Variants in TMEM50B observed in about 807,000 individuals in gnomAD.
The protein encoded by TMEM50B is HCV p7-trans-regulated protein 3.
In TMEM50B, 14 loss-of-function variants were observed where a neutral mutation model predicts 23.4. The ratio of observed to expected loss-of-function variants is 0.60; its 90% CI spans 0.39 to 0.93. The LOEUF (loss-of-function observed/expected upper bound fraction) is 0.93. Ranked by LOEUF, TMEM50B falls within the 40% of genes least tolerant of loss-of-function variation. The probability of loss-of-function intolerance (pLI) is 0.00; values close to 1 mark genes in which losing one functional copy is unlikely to be tolerated. For synonymous variants in TMEM50B, 64 were observed against 62.3 expected (o/e 1.03, Z -0.13); for missense variants, 159 against 193.0 (o/e 0.82, Z 1.04).
At chr21:33,475,625 C>A (rs1200434457) in intron 1 of TMEM50B, among the ~76,000 whole-genome samples, 2 of 151,442 alleles carry the variant, frequency 1.3e-5, no homozygotes, top group Non-Finnish European at 2.9e-5. Flanking sequence ...GGAATACAGG[C>A]GTGAGCCACC....
downstream of TMEM50B, among the ~76,000 whole-genome samples, chr21:33,448,616 G>A (rs927210852): frequency 1.3e-5 from 2 of 152,084 alleles, no homozygotes; most frequent in Non-Finnish European, 2.9e-5. Context: ...AAGTAGCTGG[G>A]ACTACAGGTG....
intron 1 of TMEM50B, among the ~76,000 whole-genome samples, chr21:33,475,771 G>A (rs1487128807): frequency 1.3e-5 from 2 of 152,022 alleles, no homozygotes; most frequent in African/African-American, 4.8e-5. Flanking sequence ...TGGCTAACAC[G>A]TTGAAACCCC....
chr21:33,432,699 G>A (rs765881972), exon 9 of TMEM50B: 21 of 1,613,574 alleles, frequency 1.3e-5, no homozygotes, highest in Non-Finnish European at 1.7e-5. Context: ...GTTCACTTTC[G>A]TGTCCTCTTT....
At chr21:33,468,136 G>A (rs2084281498) in intron 2 of TMEM50B, among the ~76,000 whole-genome samples, 1 of 140,976 alleles carries the variant, frequency 7.1e-6, no homozygotes, top group South Asian at 2.2e-4. Flanking sequence ...TCCTGATTTT[G>A]GGGTGTTTTT....
intron 1 of TMEM50B, among the ~76,000 whole-genome samples, chr21:33,478,112 GAGAC>G (rs1445326250): frequency 6.6e-6 from 1 of 151,608 alleles, no homozygotes; most frequent in African/African-American, 2.4e-5. Context: ...TCCAGCCTGG[GAGAC>G]AGAGCAAGAC....
At position 33,450,526 on chromosome 21, in the gene TMEM50B, A is replaced by G. The variant is rs2084109488; in HGVS notation, c.*292T>C. ...GACAAGAGTGGTTACTTCTAAAATG[A>G]CAAGATGATGTAACCCTGGCTCAGG... On this transcript the variant is annotated 3_prime_UTR_variant, in exon 7 of 7. Transcript: ENST00000542230. 7.5e-6 allele frequency: 2 copies of G among 267,854 alleles called. No homozygotes were observed. Among genetic ancestry groups the G allele is most frequent in the Non-Finnish European group, 1.4e-5 (2 of 142,580 alleles). The allele number at this position is 267,854 out of a possible 1,614,324, so 16.6% of individuals were successfully genotyped here.
intron 4 of TMEM50B, 32 bp downstream of exon 4, chr21:33,465,310 C>T (rs768139067): frequency 4.4e-6 from 7 of 1,575,030 alleles, no homozygotes; most frequent in Non-Finnish European, 5.2e-6. Context: ...TCTGTTTTGT[C>T]AACACCCATT....
intron 6 of TMEM50B, among the ~76,000 whole-genome samples, chr21:33,453,381 T>C (rs1233339632): frequency 1.3e-5 from 2 of 152,018 alleles, no homozygotes; most frequent in Non-Finnish European, 2.9e-5. Context: ...TGAGCCACCA[T>C]GCCCAGCCGA....
chr21:33,478,860 G>T, intron 1 of TMEM50B: 2 of 470,924 alleles, frequency 4.2e-6, no homozygotes, highest in South Asian at 1.5e-5. Context: ...CAGAGCCTCT[G>T]AAGTGTCAAG....
chr21:33,438,731 C>CTTT (rs200509447), intron 8 of TMEM50B, among the ~76,000 whole-genome samples: 2 of 147,794 alleles, frequency 1.4e-5, no homozygotes, highest in African/African-American at 2.5e-5. Flanking sequence ...AAGAAAGTGG[C>CTTT]TTTTTTTTTT....
chr21:33,463,512 A>C (rs1469515237), intron 4 of TMEM50B, among the ~76,000 whole-genome samples: 1 of 152,040 alleles, frequency 6.6e-6, no homozygotes, highest in Non-Finnish European at 1.5e-5. Flanking sequence ...GTATGAGGGA[A>C]CTTTTTGGGG....
In TMEM50B at chr21:33,466,780, GAA is replaced by G. The variant is rs34046682; in HGVS notation, c.212+228_212+229del. Reference sequence around the variant, plus strand: ...AACTGACCAGATTTAAAAATATGAGGAAAAAAAAAAATCACAAGATAATTGTT... The same window carrying G: ...AACTGACCAGATTTAAAAATATGAGGAAAAAAAAATCACAAGATAATTGTT... On this transcript the variant is annotated intron_variant, in intron 3 of 6. Coordinates refer to ENST00000542230, the MANE Select transcript of TMEM50B (RefSeq NM_006134.7). Among the ~76,000 whole-genome samples the G allele has an allele frequency of 5.4e-3, 804 of 149,534 alleles. 12 individuals are homozygous for G. The highest frequency in any genetic ancestry group is 0.018 in the African/African-American group (752 of 41,052).
chr21:33,452,630 G>A (rs762665994), intron 6 of TMEM50B, among the ~76,000 whole-genome samples: 58 of 152,134 alleles, frequency 3.8e-4, no homozygotes, highest in Middle Eastern at 3.2e-3. Context: ...CTCTGGTCCT[G>A]CCTATAACAA....
intron 1 of TMEM50B, among the ~76,000 whole-genome samples, chr21:33,475,173 G>A (rs1304061778): frequency 6.6e-6 from 1 of 151,982 alleles, no homozygotes; most frequent in Non-Finnish European, 1.5e-5. Flanking sequence ...TGATCTGCCT[G>A]TCTCAGCCTC....
chr21:33,475,223 G>C (rs1039184641), intron 1 of TMEM50B, among the ~76,000 whole-genome samples: 1 of 152,030 alleles, frequency 6.6e-6, no homozygotes. Context: ...CACTGCGGCT[G>C]GCCAAACATT....
At chr21:33,436,710 A>C in intron 8 of TMEM50B, 13 of 719,296 alleles carry the variant, frequency 1.8e-5, no homozygotes, top group Non-Finnish European at 2.7e-5. Context: ...CAAGAGTAAG[A>C]CTCCATCTCA....
At chr21:33,442,897 G>A (rs1470041024) in intron 7 of TMEM50B, among the ~76,000 whole-genome samples, 1 of 150,488 alleles carries the variant, frequency 6.6e-6, no homozygotes, top group Non-Finnish European at 1.5e-5. Context: ...TCCAGCCTGG[G>A]CTAACAGAGA....
chr21:33,444,217 A>T (rs1465637122), downstream of TMEM50B, among the ~76,000 whole-genome samples: 1 of 152,004 alleles, frequency 6.6e-6, no homozygotes, highest in Non-Finnish European at 1.5e-5. Flanking sequence ...CTATTTTTAT[A>T]ACTCTCCTGG....
chr21:33,454,717 GT>G (rs2084153855), intron 6 of TMEM50B, among the ~76,000 whole-genome samples: 1 of 152,078 alleles, frequency 6.6e-6, no homozygotes, highest in Non-Finnish European at 1.5e-5. Context: ...GTCTGATAGG[GT>G]TTTTTAATAA....
Sources: gnomAD v4.1 joint callset for allele counts (sites outside exome capture counted in the v4.1 genomes callset) on GRCh38, gnomAD v4.1.1 for gene constraint, MANE v1.5 for transcripts, NCBI Gene and HGNC (gene_info 2026-07-23, HGNC 2026-07-21) for gene names.